GABRR3: variants seen among roughly 807,000 people sequenced by gnomAD.
GABRR3 encodes gamma-aminobutyric acid type A receptor subunit rho3, also known as gamma-aminobutyric acid receptor subunit rho-3.
In GABRR3, 29 loss-of-function variants were observed where a neutral mutation model predicts 43.2. The observed-to-expected ratio is 0.67, with a 90% confidence interval of 0.50 to 0.92. GABRR3 has a LOEUF of 0.92. Ranked by LOEUF, GABRR3 falls within the 40% of genes least tolerant of loss-of-function variation. The pLI is 0.00. For synonymous variants in GABRR3, 206 were observed against 195.9 expected, an observed-to-expected ratio of 1.05 and a Z score of -0.43; for missense variants, 576 against 572.3, an observed-to-expected ratio of 1.01 and a Z score of -0.07.
At position 97,999,945 on chromosome 3, in the gene GABRR3, G is replaced by A. The variant is rs578191874; in HGVS notation, c.907+1670C>T. 5 of 152,070 alleles carry A rather than the reference G, an allele frequency of 3.3e-5. No individual in the cohort carries two copies. In the South Asian group the frequency reaches 1.0e-3, roughly 32 times the overall value. 9.4% of individuals were successfully genotyped at this position (152,070 alleles called of 1,614,324 possible). The stretch of plus-strand genomic sequence containing the variant: ...AAAAGGTAATTGGGACAGATGAATA[G>A]GTATTCATAGGGACCTTCCAGAGAA... On this transcript the variant is annotated intron_variant, in intron 8 of 9. Coordinates refer to ENST00000621172, the Ensembl canonical transcript of GABRR3.
chr3:98,017,630 A>T, intron 4 of GABRR3, 25 bp downstream of exon 4: 1 of 1,571,902 alleles, frequency 6.4e-7, no homozygotes, highest in Non-Finnish European at 8.7e-7. Context: ...TCAGAAAAAG[A>T]GCAATATCCC....
chr3:98,010,644 G>T (rs552618655), intron 5 of GABRR3, among the ~76,000 whole-genome samples: 2 of 152,322 alleles, frequency 1.3e-5, no homozygotes, highest in South Asian at 4.1e-4. Context: ...CCTGGAATGT[G>T]CAGGGTAAGA....
intron 3 of GABRR3, 70 bp from the exon 4 acceptor site, chr3:98,017,792 G>C: frequency 9.0e-7 from 1 of 1,114,468 alleles, no homozygotes; most frequent in Non-Finnish European, 1.3e-6. Flanking sequence ...TTAAAACAGA[G>C]AGATTAATTC....
chr3:98,035,036 A>G (rs1191441966), intron 1 of GABRR3, 47 bp from the exon 2 acceptor site: 1 of 1,575,700 alleles, frequency 6.3e-7, no homozygotes, highest in Non-Finnish European at 8.6e-7. Context: ...CGCAACCAAT[A>G]CTGTGATCAC....
rs776974470 is a variant in GABRR3, at chr3:98,012,318, CA to C, written c.530+25del. 12 of 1,584,602 alleles carry C rather than the reference CA, an allele frequency of 7.6e-6. No individual in the cohort carries two copies. The East Asian group carries it at 1.6e-4, about 21-fold the overall frequency. On this transcript the variant is annotated intron_variant, in intron 5 of 9. Coordinates refer to ENST00000621172, the Ensembl canonical transcript of GABRR3. ...GCAGATGGCTGCAGTACAGGGAAGCCAAAGGCGATAGGCAGCTTTCCTTACC... is the reference window on the plus strand; with the variant it reads ...GCAGATGGCTGCAGTACAGGGAAGCCAAGGCGATAGGCAGCTTTCCTTACC...
chr3:98,021,117 G>A (rs905655534), intron 3 of GABRR3, among the ~76,000 whole-genome samples: 3 of 151,676 alleles, frequency 2.0e-5, no homozygotes, highest in Non-Finnish European at 4.4e-5. Flanking sequence ...CGCCTGCTTC[G>A]GCCTCCCAAA....
At chr3:97,997,757 C>T (rs1271210786) in intron 8 of GABRR3, 1 of 152,144 alleles carries the variant, frequency 6.6e-6, no homozygotes, top group Non-Finnish European at 1.5e-5. Context: ...GATCAAAAAC[C>T]ATGATGGTCA....
chr3:97,988,086 G>C (rs1472749178), intron 9 of GABRR3, among the ~76,000 whole-genome samples: 1 of 151,886 alleles, frequency 6.6e-6, no homozygotes. Context: ...GCCCGGATGG[G>C]GCTTGAAGTA....
chr3:98,018,666 T>C (rs1188092636), intron 3 of GABRR3, among the ~76,000 whole-genome samples: 1 of 152,232 alleles, frequency 6.6e-6, no homozygotes, highest in Admixed American at 6.5e-5. Context: ...TTTATATATG[T>C]AGTCTTTTAT....
At chr3:98,018,525 T>C (rs1433063995) in intron 3 of GABRR3, among the ~76,000 whole-genome samples, 1 of 152,154 alleles carries the variant, frequency 6.6e-6, no homozygotes, top group Non-Finnish European at 1.5e-5. Flanking sequence ...CAGACTAGAC[T>C]GACATTTCCT....
At chr3:98,019,829 G>A (rs1706916470) in intron 3 of GABRR3, among the ~76,000 whole-genome samples, 2 of 152,134 alleles carry the variant, frequency 1.3e-5, no homozygotes, top group South Asian at 4.1e-4. Flanking sequence ...CTCCTAAAGT[G>A]CTGGGATTAC....
At chr3:98,013,035 C>T (rs960554277) in intron 4 of GABRR3, among the ~76,000 whole-genome samples, 1 of 152,112 alleles carries the variant, frequency 6.6e-6, no homozygotes, top group Non-Finnish European at 1.5e-5. Flanking sequence ...ACTACAGTCC[C>T]ATAAAAACAT....
intron 2 of GABRR3, among the ~76,000 whole-genome samples, chr3:98,033,968 C>T (rs73851438): frequency 0.012 from 1,856 of 152,230 alleles, 31 homozygotes; most frequent in African/African-American, 0.043. Context: ...GTTCTCTTTC[C>T]TGATCTTACA....
chr3:97,997,647 T>C (rs915085473), intron 8 of GABRR3: 2 of 152,154 alleles, frequency 1.3e-5, no homozygotes, highest in Non-Finnish European at 2.9e-5. Flanking sequence ...AAGGGAAACA[T>C]ATAAATGCAT....
chr3:98,018,059 G>GA, intron 3 of GABRR3, among the ~76,000 whole-genome samples: 1 of 150,384 alleles, frequency 6.6e-6, no homozygotes, highest in Admixed American at 6.6e-5. Flanking sequence ...ATTTAAAAAG[G>GA]AAAAGTGTTT....
In GABRR3 at chr3:98,017,732, G is replaced by T; in HGVS notation, c.239-10C>A. 1 of 1,588,068 alleles carries T rather than the reference G, an allele frequency of 6.3e-7. No homozygotes were observed. Among genetic ancestry groups the T allele is most frequent in the Non-Finnish European group, 8.6e-7 (1 of 1,159,094 alleles). ...ACTGGCACTGGAGACCCTTAAGAAAGAAGAATGGTTAATATGCTGAGGAAT... is the reference window on the plus strand; with the variant it reads ...ACTGGCACTGGAGACCCTTAAGAAATAAGAATGGTTAATATGCTGAGGAAT... On this transcript the variant is annotated splice_polypyrimidine_tract_variant and intron_variant, in intron 3 of 9. Transcript: ENST00000621172.
intron 2 of GABRR3, among the ~76,000 whole-genome samples, chr3:98,026,839 C>T (rs536364881): frequency 2.6e-5 from 4 of 152,216 alleles, no homozygotes; most frequent in African/African-American, 9.6e-5. Context: ...GGGAGAATTT[C>T]AGAATCTGGA....
intron 2 of GABRR3, 31 bp from the exon 3 acceptor site, chr3:98,025,710 T>A: frequency 1.4e-6 from 2 of 1,419,572 alleles, no homozygotes; most frequent in East Asian, 4.6e-5. Flanking sequence ...AAAAAACTTC[T>A]GAGATACATA....
At chr3:97,998,654 G>A (rs1024605205) in intron 8 of GABRR3, 1 of 152,082 alleles carries the variant, frequency 6.6e-6, no homozygotes, top group South Asian at 2.1e-4. Context: ...ATCTGATGAG[G>A]TCAGATTTCT....
Sources: gnomAD v4.1 joint callset for allele counts (sites outside exome capture counted in the v4.1 genomes callset) on GRCh38, gnomAD v4.1.1 for gene constraint, MANE v1.5 for transcripts, NCBI Gene and HGNC (gene_info 2026-07-23, HGNC 2026-07-21) for gene names.